The following SF3B2 variants were observed in gnomAD, a reference collection of about 807,000 sequenced individuals.
SF3B2 encodes the protein SAP 145.
Under a neutral mutation model 116.3 loss-of-function variants are expected in SF3B2, and 22 were observed. That is an observed-to-expected ratio of 0.19 (90% CI 0.14 to 0.27). The LOEUF is 0.27. SF3B2 is among the 10% of genes least tolerant of loss of function. SF3B2 has a pLI of 1.00. For synonymous variants in SF3B2, 406 were observed against 421.6 expected, an observed-to-expected ratio of 0.96 and a Z score of 0.45; for missense variants, 767 against 1,151.4, an observed-to-expected ratio of 0.67 and a Z score of 4.83.
Position 66,059,532 on chromosome 11 carries a change from C to T in SF3B2, c.1338C>T (p.Ala446=). The T allele has an allele frequency of 1.2e-6, 2 of 1,614,014 alleles. No homozygotes were observed. Among genetic ancestry groups the T allele is most frequent in the Non-Finnish European group, 1.7e-6 (2 of 1,180,018 alleles). ...SDDEQEKKPE[A]PKLSKKKLRR... is the part of the protein sequence containing the mutation. Reference sequence around the variant, plus strand: ...TGTTCTAGGAAAAGAAGCCAGAAGCCCCCAAGCTGTCCAAGAAGAAGTTGC... The same window carrying T: ...TGTTCTAGGAAAAGAAGCCAGAAGCTCCCAAGCTGTCCAAGAAGAAGTTGC... The change falls in exon 12 of 22, where the codon GCC becomes GCT. Residue 446 remains alanine, a synonymous_variant. Transcript: ENST00000322535. This position sits in a 1 kb window ranked among gnomAD's most constrained non-coding sequence, Gnocchi z 5.0.
rs146381373 is a variant in SF3B2 at position 66,052,428 on chromosome 11, T to TGCCGCC, written c.51_56dup (p.Pro20_Pro21dup). 8.1e-6 allele frequency: 13 copies of TGCCGCC among 1,613,082 alleles called. No homozygotes were observed. The highest frequency in any genetic ancestry group is 1.1e-5 in the Non-Finnish European group (13 of 1,179,824). On this transcript the variant is annotated inframe_insertion, in exon 1 of 22. Coordinates refer to ENST00000322535, the MANE Select transcript of SF3B2 (RefSeq NM_006842.3). Reference sequence around the variant, plus strand: ...GAGCCTCCCAAAGCAGAATTGCAGCTGCCGCCGCCGCCACCTCCAGGCCAC... The same window carrying TGCCGCC: ...GAGCCTCCCAAAGCAGAATTGCAGCTGCCGCCGCCGCCGCCGCCACCTCCAGGCCAC...
At chr11:66,055,501 T>C in intron 4 of SF3B2, 34 bp from the exon 5 acceptor site, 1 of 1,613,264 alleles carries the variant, frequency 6.2e-7, no homozygotes, top group Non-Finnish European at 8.5e-7. Flanking sequence ...GTGTTGGGTA[T>C]TGGTGCTGGT....
At chr11:66,064,257 ATTACTTGAACAATTTT>A (rs1857142906) in intron 19 of SF3B2, among the ~76,000 whole-genome samples, 3 of 151,900 alleles carry the variant, frequency 2.0e-5, no homozygotes, top group Admixed American at 6.6e-5. Context: ...CTTCTTTTGG[ATTACTTGAACAATTTT>A]TATGATTTCA....
At chr11:66,067,565 G>A (rs779389699) in intron 19 of SF3B2, 1 of 460,514 alleles carries the variant, frequency 2.2e-6, no homozygotes, top group South Asian at 1.5e-5. Flanking sequence ...ACATACATGA[G>A]AACTCCAGGC....
chr11:66,055,834 A>T, intron 5 of SF3B2: 1 of 496,566 alleles, frequency 2.0e-6, no homozygotes, highest in Non-Finnish European at 3.5e-6. Flanking sequence ...AGAAAACCCA[A>T]ACCAAAAATA....
intron 19 of SF3B2, chr11:66,064,952 C>T (rs1337947966): frequency 6.6e-6 from 1 of 152,094 alleles, no homozygotes; most frequent in Non-Finnish European, 1.5e-5. Flanking sequence ...TCTAGGTTGA[C>T]AATCTTTTTT....
chr11:66,057,616 ACT>A (rs1008981156), intron 7 of SF3B2, among the ~76,000 whole-genome samples: 1 of 151,894 alleles, frequency 6.6e-6, no homozygotes, highest in Admixed American at 6.6e-5. Flanking sequence ...GGTGTTGCCC[ACT>A]CTCTGCTGCT....
chr11:66,063,480 G>T lies in SF3B2; in HGVS notation c.2166G>T (p.Glu722Asp), dbSNP rs1389596536. The T allele has an allele frequency of 6.2e-7, 1 of 1,614,184 alleles. No homozygotes were observed. Among genetic ancestry groups the T allele is most frequent in the Admixed American group, 1.7e-5 (1 of 60,028 alleles). ...CTGATGAAGAATCCTCAGAAGAAGA[G>T]GAAGAGGAAGAAAGTGATGAAGACA... ...EPSDEESSEEEEEEESDEDKP... is the reference protein window; with the variant it reads ...EPSDEESSEEDEEEESDEDKP... The change falls in exon 18 of 22, where the codon GAG (glutamate) becomes GAT (aspartate). Residue 722 changes from glutamate to aspartate, a missense_variant. Coordinates refer to ENST00000322535, the MANE Select transcript of SF3B2 (RefSeq NM_006842.3).
rs759066689 is a variant in SF3B2, at chr11:66,060,707, C to T, written c.1755C>T (p.Thr585=). 5.0e-6 allele frequency: 8 copies of T among 1,614,182 alleles called. No individual in the cohort carries two copies. In the Admixed American group the frequency reaches 1.2e-4, roughly 24 times the overall value. ...AGTGGCAGACCAAGCCAAAGCTGAC[C>T]ATCCATGGGGACCTGTACTATGAGG... is the stretch of plus-strand genomic sequence containing the variant. The part of the protein sequence containing the change: ...FFKWQTKPKL[T]IHGDLYYEGK... Residue 585 remains threonine (T), a synonymous_variant, in exon 14 of 22, where the codon ACC becomes ACT. Coordinates refer to ENST00000322535, the MANE Select transcript of SF3B2 (RefSeq NM_006842.3).
At chr11:66,063,143 G>A in intron 17 of SF3B2, 27 bp downstream of exon 17, 1 of 1,534,666 alleles carries the variant, frequency 6.5e-7, no homozygotes, top group Non-Finnish European at 9.0e-7. Context: ...AGCGATCTTG[G>A]TTTTACTTAA....
intron 20 of SF3B2, 35 bp downstream of exon 20, chr11:66,068,080 A>C (rs1445844387): frequency 2.5e-6 from 4 of 1,612,592 alleles, no homozygotes; most frequent in Middle Eastern, 3.3e-4. Context: ...TTGGAGGCTG[A>C]GAAAGGCAGC....
intron 15 of SF3B2, 58 bp downstream of exon 15, chr11:66,061,833 G>A: frequency 6.2e-7 from 1 of 1,605,156 alleles, no homozygotes; most frequent in Non-Finnish European, 8.5e-7. Flanking sequence ...GATTGGAGTG[G>A]AAGGCAGAGA....
At chr11:66,063,265 T>G in intron 17 of SF3B2, 135 bp from the exon 18 acceptor site, 1 of 1,033,274 alleles carries the variant, frequency 9.7e-7, no homozygotes, top group Admixed American at 2.6e-5. Flanking sequence ...TAATGTAAGC[T>G]CCTCACTAGA....
intron 4 of SF3B2, 85 bp downstream of exon 4, chr11:66,055,400 T>A: frequency 1.3e-6 from 2 of 1,587,154 alleles, no homozygotes; most frequent in Middle Eastern, 2.0e-4. Flanking sequence ...GTCCTAGAAC[T>A]AAGGCTTCTG....
At chr11:66,065,748 A>T (rs1186188265) in intron 19 of SF3B2, 1 of 152,206 alleles carries the variant, frequency 6.6e-6, no homozygotes, top group East Asian at 1.9e-4. Flanking sequence ...TTTCTGATCT[A>T]ACAGTAATCC....
At chr11:66,053,207 C>A in intron 3 of SF3B2, 103 bp downstream of exon 3, 1 of 1,074,492 alleles carries the variant, frequency 9.3e-7, no homozygotes, top group Non-Finnish European at 1.4e-6. Flanking sequence ...ATGTGACACC[C>A]TTGCACATTA....
chr11:66,067,848 A>G (rs1857214721), intron 19 of SF3B2, 98 bp from the exon 20 acceptor site: 15 of 905,006 alleles, frequency 1.7e-5, no homozygotes, highest in Non-Finnish European at 2.3e-5. Context: ...GAAGCTCTCC[A>G]AGGCGCTGAG....
At chr11:66,064,316 A>ATAAC (rs1326032391) in intron 19 of SF3B2, among the ~76,000 whole-genome samples, 3 of 151,968 alleles carry the variant, frequency 2.0e-5, no homozygotes, top group African/African-American at 7.3e-5. Flanking sequence ...TTAGCTGTTA[A>ATAAC]GTTTTTGCTT....
intron 19 of SF3B2, chr11:66,067,675 A>G (rs1857211850): frequency 4.0e-6 from 2 of 503,264 alleles, no homozygotes; most frequent in South Asian, 1.8e-5. Flanking sequence ...TGACCTTTTG[A>G]CCCTTATGTG....
Sources: allele counts gnomAD v4.1 joint callset (sites outside exome capture counted in the v4.1 genomes callset), GRCh38; gene constraint gnomAD v4.1.1; non-coding constraint Gnocchi (gnomAD v3.1); transcripts MANE v1.5; gene names NCBI Gene and HGNC (gene_info 2026-07-23, HGNC 2026-07-21).